RNF220: variants seen among roughly 807,000 people sequenced by gnomAD.
RNF220 encodes E3 ubiquitin-protein ligase RNF220.
RNF220 carries 7 observed loss-of-function variants against 67.1 expected under a neutral mutation model. The ratio of observed to expected loss-of-function variants is 0.10; its 90% CI spans 0.06 to 0.20. The LOEUF (loss-of-function observed/expected upper bound fraction) is 0.20. RNF220 is among the 10% of genes least tolerant of loss of function. The pLI is 1.00. For missense variants in RNF220, 565 were observed against 740.3 expected (o/e 0.76, Z 2.75); for synonymous variants, 270 against 283.2 (o/e 0.95, Z 0.47).
At chr1:44,441,908 G>A (rs943423147) in intron 2 of RNF220, among the ~76,000 whole-genome samples, 5 of 152,146 alleles carry the variant, frequency 3.3e-5, no homozygotes, top group South Asian at 4.1e-4. Context: ...AGCCAAATAC[G>A]TTACATTGAG....
intron 2 of RNF220, among the ~76,000 whole-genome samples, chr1:44,535,946 C>T (rs1182848193): frequency 6.6e-6 from 1 of 152,218 alleles, no homozygotes; most frequent in Non-Finnish European, 1.5e-5. Flanking sequence ...AATTTTCCTT[C>T]AGCCTGGGGA....
At chr1:44,554,368 T>C (rs191112073) in intron 2 of RNF220, among the ~76,000 whole-genome samples, 90 of 152,170 alleles carry the variant, frequency 5.9e-4, no homozygotes, top group Non-Finnish European at 1.1e-3. Flanking sequence ...GCTTAGGACA[T>C]GTCCTTCTCG....
At chr1:44,555,553 C>A (rs1262896634) in intron 2 of RNF220, among the ~76,000 whole-genome samples, 2 of 151,992 alleles carry the variant, frequency 1.3e-5, no homozygotes, top group Non-Finnish European at 2.9e-5. Context: ...TGGCTCACTG[C>A]AAGCTCCGCC....
At chr1:44,490,015 T>C (rs898923399) in intron 2 of RNF220, among the ~76,000 whole-genome samples, 1 of 152,244 alleles carries the variant, frequency 6.6e-6, no homozygotes, top group Non-Finnish European at 1.5e-5. Context: ...CTAATTACTT[T>C]TTTTTCTATG....
At chr1:44,614,700 A>G (rs953601335) in intron 3 of RNF220, among the ~76,000 whole-genome samples, 1 of 152,100 alleles carries the variant, frequency 6.6e-6, no homozygotes, top group African/African-American at 2.4e-5. Context: ...TACCTTCTCT[A>G]TGAATCTCAG....
chr1:44,484,901 C>T (rs12409669), intron 2 of RNF220, among the ~76,000 whole-genome samples: 21,342 of 152,096 alleles, frequency 0.14, 1,756 homozygotes, highest in East Asian at 0.31. Flanking sequence ...CCCAGCACTT[C>T]GGGAGGCCAA....
intron 2 of RNF220, among the ~76,000 whole-genome samples, chr1:44,421,101 G>A (rs950320581): frequency 6.6e-6 from 1 of 152,172 alleles, no homozygotes; most frequent in Non-Finnish European, 1.5e-5. Context: ...ATTAGCCCTG[G>A]TGTCCTCCTG....
At chr1:44,608,199 A>G (rs1245866508) in intron 2 of RNF220, among the ~76,000 whole-genome samples, 1 of 152,136 alleles carries the variant, frequency 6.6e-6, no homozygotes, top group Non-Finnish European at 1.5e-5. Context: ...TGCTAGGATT[A>G]CAGGTTTGAG....
intron 8 of RNF220, chr1:44,636,616 C>T (rs1397683423): frequency 8.4e-6 from 5 of 596,790 alleles, no homozygotes; most frequent in East Asian, 2.8e-5. Context: ...CTCTTCAGCC[C>T]TATGTCAGGG....
intron 2 of RNF220, among the ~76,000 whole-genome samples, chr1:44,507,684 C>T (rs781772): frequency 0.21 from 32,186 of 151,774 alleles, 3,596 homozygotes; most frequent in African/African-American, 0.25. Context: ...GAGGGGGGTA[C>T]GGAATGAAGC....
intron 2 of RNF220, among the ~76,000 whole-genome samples, chr1:44,448,838 G>A (rs1195873933): frequency 1.3e-5 from 2 of 152,144 alleles, no homozygotes; most frequent in African/African-American, 2.4e-5. Flanking sequence ...GTCCAAATGG[G>A]TTTCAAGTGA....
At chr1:44,450,202 C>T (rs1312488914) in intron 2 of RNF220, among the ~76,000 whole-genome samples, 1 of 151,938 alleles carries the variant, frequency 6.6e-6, no homozygotes. Context: ...AAGAGCGAAA[C>T]TCCGTGTCAA....
At chr1:44,631,480 A>C (rs1338088078) in intron 5 of RNF220, among the ~76,000 whole-genome samples, 1 of 151,930 alleles carries the variant, frequency 6.6e-6, no homozygotes, top group Non-Finnish European at 1.5e-5. Flanking sequence ...TTTGGAGGAT[A>C]CTGAGTTCCA....
At chr1:44,404,977 CT>C (rs1647221869), upstream of RNF220, among the ~76,000 whole-genome samples, 2 of 152,180 alleles carry the variant, frequency 1.3e-5, no homozygotes, top group Non-Finnish European at 2.9e-5. Flanking sequence ...TCACTGAGAC[CT>C]TTGCGGGTGG....
chr1:44,596,985 G>A (rs1415885163), intron 2 of RNF220, among the ~76,000 whole-genome samples: 2 of 152,168 alleles, frequency 1.3e-5, no homozygotes, highest in African/African-American at 4.8e-5. Flanking sequence ...CAAGCGAGTG[G>A]GAGAGAGGAA....
intron 2 of RNF220, among the ~76,000 whole-genome samples, chr1:44,465,924 G>A (rs1215586833): frequency 2.0e-5 from 3 of 152,050 alleles, no homozygotes; most frequent in African/African-American, 7.2e-5. Context: ...GACTGATCAC[G>A]GTGGTTGCTT....
intron 5 of RNF220, among the ~76,000 whole-genome samples, chr1:44,628,939 A>G (rs1644034943): frequency 6.6e-6 from 1 of 152,226 alleles, no homozygotes; most frequent in South Asian, 2.1e-4. Context: ...GTTATCTACA[A>G]ACCATCCCAA....
intron 8 of RNF220, 21 bp from the exon 9 acceptor site, chr1:44,644,677 C>T: frequency 1.2e-6 from 2 of 1,609,916 alleles, no homozygotes; most frequent in African/African-American, 1.3e-5. Flanking sequence ...CCAGGCCCTC[C>T]TCACACCCTG....
At chr1:44,581,561 C>T (rs537077533) in intron 2 of RNF220, among the ~76,000 whole-genome samples, 168 of 152,272 alleles carry the variant, frequency 1.1e-3, no homozygotes, top group African/African-American at 3.8e-3. Flanking sequence ...GCATGGGAAA[C>T]GGAAAGTCAG....
Sources: allele counts gnomAD v4.1 joint callset (sites outside exome capture counted in the v4.1 genomes callset), GRCh38; gene constraint gnomAD v4.1.1; transcripts MANE v1.5; gene names NCBI Gene and HGNC (gene_info 2026-07-23, HGNC 2026-07-21).